Variants in RABGAP1 observed in about 807,000 individuals in gnomAD.
The protein encoded by RABGAP1 is RAB GTPase activating protein 1.
A neutral mutation model predicts 137.6 loss-of-function variants in RABGAP1; 23 were observed. The observed-to-expected ratio is 0.17, with a 90% CI of 0.12 to 0.24. The LOEUF is 0.24. RABGAP1 is among the 10% of genes least tolerant of loss of function. RABGAP1 has a pLI of 1.00. For missense variants in RABGAP1, 906 were observed against 1,275.8 expected (o/e 0.71, Z 4.42); for synonymous variants, 451 against 450.7 (o/e 1.00, Z -0.01).
At chr9:122,937,000 A>T (rs1833397006), upstream of RABGAP1, among the ~76,000 whole-genome samples, 1 of 152,238 alleles carries the variant, frequency 6.6e-6, no homozygotes, top group Non-Finnish European at 1.5e-5. Flanking sequence ...GATTCACCAC[A>T]TTATGAGATT....
intron 21 of RABGAP1, among the ~76,000 whole-genome samples, chr9:123,094,370 T>G (rs961569925): frequency 6.6e-6 from 1 of 152,206 alleles, no homozygotes; most frequent in Non-Finnish European, 1.5e-5. Context: ...TCTGTTCCTG[T>G]TTGCTGAGAG....
At chr9:123,001,083 C>T (rs541181567) in intron 10 of RABGAP1, among the ~76,000 whole-genome samples, 42 of 151,452 alleles carry the variant, frequency 2.8e-4, no homozygotes, top group Middle Eastern at 3.5e-3. Flanking sequence ...CTCCTGACCT[C>T]GTGATCCATC....
At position 122,990,193 on chromosome 9, in the gene RABGAP1, T is replaced by C; in HGVS notation, c.903T>C (p.Asp301=). 6.2e-7 allele frequency: 1 copy of C among 1,609,212 alleles called. No individual in the cohort carries two copies. The highest frequency in any genetic ancestry group is 1.3e-5 in the African/African-American group (1 of 74,870). The part of the protein sequence containing the change: ...TFSVSLEIKE[D]DGKGYFSAVP... ...CTGTGTCTTTAGAAATAAAAGAAGA[T>C]GATGGTAAAGGTTATTTTAGGTAGG... Residue 301 remains aspartate, a synonymous_variant, in exon 6 of 26, where the codon GAT becomes GAC. Transcript: ENST00000373647.
At chr9:122,997,449 G>T in intron 9 of RABGAP1, 88 bp downstream of exon 9, 1 of 814,294 alleles carries the variant, frequency 1.2e-6, no homozygotes, top group South Asian at 2.8e-5. Context: ...CCAATATCCA[G>T]TGTTTACCTA....
intron 19 of RABGAP1, among the ~76,000 whole-genome samples, chr9:123,084,650 T>G (rs1326988224): frequency 6.6e-6 from 1 of 152,240 alleles, no homozygotes; most frequent in Admixed American, 6.5e-5. Flanking sequence ...CAGCACATGT[T>G]CAGAGTTGTA....
chr9:123,101,701 G>A lies in RABGAP1; in HGVS notation c.3025G>A (p.Glu1009Lys). ...EKETLKNQLR[E>K]MELELAQTKL... Reference sequence around the variant, plus strand: ...AGAGACGCTCAAGAACCAGCTGAGAGAAATGGAGCTAGAACTGGCACAGAC... The same window carrying A: ...AGAGACGCTCAAGAACCAGCTGAGAAAAATGGAGCTAGAACTGGCACAGAC... The change falls in exon 25 of 26, where the codon GAA becomes AAA. Residue 1009 changes from glutamate (E) to lysine (K), a missense_variant. Physicochemically the swap from Glu to Lys is moderately conservative, Grantham distance 56. Coordinates refer to ENST00000373647, the MANE Select transcript of RABGAP1 (RefSeq NM_012197.4). 1.2e-6 allele frequency: 2 copies of A among 1,613,980 alleles called. No individual in the cohort carries two copies. Among genetic ancestry groups the A allele is most frequent in the Non-Finnish European group, 1.7e-6 (2 of 1,179,974 alleles).
At chr9:123,101,940 T>G (rs931534393) in intron 25 of RABGAP1, among the ~76,000 whole-genome samples, 177 bp downstream of exon 25, 2 of 152,196 alleles carry the variant, frequency 1.3e-5, no homozygotes, top group African/African-American at 4.8e-5. Flanking sequence ...TCATCAGTAT[T>G]TGGCCTGTCT....
At chr9:123,077,706 G>A (rs1435710260) in intron 19 of RABGAP1, among the ~76,000 whole-genome samples, 1 of 135,438 alleles carries the variant, frequency 7.4e-6, no homozygotes, top group African/African-American at 2.5e-5. Context: ...TTTTCTGTGG[G>A]GCTTTTTTTG....
chr9:123,083,519 T>A (rs940839545), intron 19 of RABGAP1, among the ~76,000 whole-genome samples: 31 of 152,226 alleles, frequency 2.0e-4, no homozygotes, highest in African/African-American at 7.2e-4. Context: ...TTAGTCCTTA[T>A]CTGTTTGGGT....
chr9:123,082,591 T>G (rs1305638002), intron 19 of RABGAP1, among the ~76,000 whole-genome samples: 1 of 152,236 alleles, frequency 6.6e-6, no homozygotes, highest in Non-Finnish European at 1.5e-5. Context: ...CCAAGAATCA[T>G]GCTCTAAGAG....
At chr9:123,077,602 TATC>T (rs1215864005) in intron 19 of RABGAP1, among the ~76,000 whole-genome samples, 1 of 151,888 alleles carries the variant, frequency 6.6e-6, no homozygotes, top group Non-Finnish European at 1.5e-5. Context: ...GTGTTCATGT[TATC>T]ATAACATTGT....
chr9:122,933,734 C>T, the RABGAP1 span, among the ~76,000 whole-genome samples: 15 of 152,004 alleles, frequency 9.9e-5, no homozygotes, highest in African/African-American at 3.4e-4. Flanking sequence ...AAGCCATTCT[C>T]CTGCCTCAGC....
At chr9:123,037,097 C>T (rs1268172988) in intron 13 of RABGAP1, among the ~76,000 whole-genome samples, 1 of 152,078 alleles carries the variant, frequency 6.6e-6, no homozygotes, top group African/African-American at 2.4e-5. Flanking sequence ...AGGTTGTAAT[C>T]TGAATGCGAC....
intron 21 of RABGAP1, among the ~76,000 whole-genome samples, chr9:123,093,582 T>C (rs1297754519): frequency 2.6e-5 from 4 of 152,348 alleles, no homozygotes; most frequent in Non-Finnish European, 2.9e-5. Flanking sequence ...ACTTGCCCCA[T>C]TGAGTTAGCT....
chr9:122,991,685 C>T (rs1422501332), intron 6 of RABGAP1, among the ~76,000 whole-genome samples: 1 of 151,834 alleles, frequency 6.6e-6, no homozygotes, highest in African/African-American at 2.4e-5. Flanking sequence ...TCACTGCAGC[C>T]TCAGCCTTCT....
chr9:122,989,586 AT>A, intron 5 of RABGAP1, 115 bp downstream of exon 5: 1 of 1,200,466 alleles, frequency 8.3e-7, no homozygotes, highest in South Asian at 1.3e-5. Context: ...ATTCTCTGCT[AT>A]TGTTTTAGTG....
At chr9:123,089,250 G>A (rs1209197732) in intron 19 of RABGAP1, among the ~76,000 whole-genome samples, 2 of 152,102 alleles carry the variant, frequency 1.3e-5, no homozygotes, top group Non-Finnish European at 2.9e-5. Context: ...TTTGGATGGA[G>A]TCCAACTGCC....
intron 13 of RABGAP1, among the ~76,000 whole-genome samples, chr9:123,033,338 G>T (rs2032410022): frequency 6.6e-6 from 1 of 152,128 alleles, no homozygotes; most frequent in Non-Finnish European, 1.5e-5. Context: ...CTGACACCCT[G>T]TTCTGTTACT....
intron 13 of RABGAP1, chr9:123,034,908 C>T (rs778973198): frequency 3.7e-6 from 6 of 1,612,402 alleles, no homozygotes; most frequent in East Asian, 4.5e-5. Context: ...TTCTGAAGAG[C>T]GTCTCCATGG....
Sources: gnomAD v4.1 joint callset for allele counts (sites outside exome capture counted in the v4.1 genomes callset) on GRCh38, gnomAD v4.1.1 for gene constraint, MANE v1.5 for transcripts, NCBI Gene and HGNC (gene_info 2026-07-23, HGNC 2026-07-21) for gene names.